ZNF708: variants seen among roughly 807,000 people sequenced by gnomAD.
The protein encoded by ZNF708 is ZNF15, ZNF15L1.
In ZNF708, 44 loss-of-function variants were observed where a neutral mutation model predicts 47.0. That is an observed-to-expected ratio of 0.94 (90% CI 0.74 to 1.20). The LOEUF is 1.20. Ranked by LOEUF, ZNF708 falls within the 50% of genes most tolerant of loss-of-function variation. The pLI, the probability that ZNF708 is intolerant of heterozygous loss-of-function variation, is 0.00. For missense variants in ZNF708, 557 were observed against 656.0 expected (o/e 0.85, Z 1.65); for synonymous variants, 184 against 218.5 (o/e 0.84, Z 1.39).
chr19:21,309,398 T>C, intron 2 of ZNF708, 57 bp from the exon 3 acceptor site: 5 of 1,444,926 alleles, frequency 3.5e-6, no homozygotes, highest in Non-Finnish European at 4.7e-6. Flanking sequence ...ATTACCAACC[T>C]AGTAATTTTC....
chr19:21,323,212 C>G (rs572001007), intron 1 of ZNF708, among the ~76,000 whole-genome samples: 4 of 152,344 alleles, frequency 2.6e-5, no homozygotes, highest in African/African-American at 9.6e-5. Flanking sequence ...CCCATTATGA[C>G]TTAGATGGTG....
intron 1 of ZNF708, among the ~76,000 whole-genome samples, chr19:21,311,272 T>C (rs1359396047): frequency 2.0e-5 from 3 of 152,186 alleles, no homozygotes; most frequent in Admixed American, 6.5e-5. Flanking sequence ...TAAAATATGA[T>C]GATTTATGCA....
At chr19:21,323,383 C>T (rs1245459583) in intron 1 of ZNF708, among the ~76,000 whole-genome samples, 1 of 152,166 alleles carries the variant, frequency 6.6e-6, no homozygotes, top group Non-Finnish European at 1.5e-5. Flanking sequence ...ACTTTACAAA[C>T]CCATTTTATG....
chr19:21,329,100 A>C, intron 1 of ZNF708, 110 bp downstream of exon 1: 2 of 1,490,256 alleles, frequency 1.3e-6, no homozygotes, highest in Non-Finnish European at 1.9e-6. Flanking sequence ...GAGAACTCGG[A>C]GCGCAGATTG....
At chr19:21,319,953 A>G (rs12982346) in intron 1 of ZNF708, among the ~76,000 whole-genome samples, 84,914 of 151,978 alleles carry the variant, frequency 0.56, 24,004 homozygotes, top group Middle Eastern at 0.69. Context: ...AGGCAGGCAG[A>G]TGACCTGAGG....
At chr19:21,308,946 G>C (rs570131744) in intron 3 of ZNF708, among the ~76,000 whole-genome samples, 19 of 151,786 alleles carry the variant, frequency 1.3e-4, no homozygotes, top group African/African-American at 4.6e-4. Flanking sequence ...AAATTATGCA[G>C]ATATTTCTGA....
rs560835011 is a variant in ZNF708, at chr19:21,320,408, G to A, written c.3+8802C>T. On this transcript the variant is annotated intron_variant, in intron 1 of 3. Transcript: ENST00000356929. ...TGAATAAAGAACATATGGTATGGTC[G>A]GACAAGGTGGCTAACACCTGTAATC... Among the ~76,000 whole-genome samples, 10 of 151,810 alleles carry A rather than the reference G, an allele frequency of 6.6e-5. No individual in the cohort carries two copies. In the South Asian group the frequency reaches 1.7e-3, roughly 25 times the overall value.
At chr19:21,309,371 C>G (rs749440058) in intron 2 of ZNF708, 30 bp from the exon 3 acceptor site, 24 of 1,532,182 alleles carry the variant, frequency 1.6e-5, no homozygotes, top group Non-Finnish European at 2.0e-5. Context: ...TAACGTGAAT[C>G]TTGCTCATAT....
Position 21,293,681 on chromosome 19 carries a change from A to C in ZNF708, c.1285T>G (p.Phe429Val). The change falls in exon 4 of 4, where the codon TTT (phenylalanine) becomes GTT (valine). Residue 429 changes from phenylalanine to valine, a missense_variant. Phe to Val is a conservative substitution (Grantham distance 50, BLOSUM62 -1). Transcript: ENST00000356929. ...TTAGTAAGGATTGAGAATATACTAA[A>C]GGCTTTACCACATTCTTCACATTTG... is the stretch of plus-strand genomic sequence containing the variant. ...PYKCEECGKA[F>V]SIFSILTKHK... The C allele has an allele frequency of 1.2e-6, 2 of 1,612,936 alleles. No individual in the cohort carries two copies. The highest frequency in any genetic ancestry group is 1.7e-6 in the Non-Finnish European group (2 of 1,179,674).
At chr19:21,305,633 A>T (rs1191615671) in intron 3 of ZNF708, among the ~76,000 whole-genome samples, 3 of 148,464 alleles carry the variant, frequency 2.0e-5, no homozygotes, top group Non-Finnish European at 3.0e-5. Flanking sequence ...TAATTTTCGT[A>T]TTTTTTTTTA....
rs187171186 is a variant in ZNF708, at chr19:21,294,988, A to G, written c.227-249T>C. ...CAAAGAGCCACATAGGAGAAAAAAG[A>G]AAAGTCTGTTACATTTACCCAACAC... is the stretch of plus-strand genomic sequence containing the variant. On this transcript the variant is annotated intron_variant, in intron 3 of 3. Coordinates refer to ENST00000356929, the MANE Select transcript of ZNF708 (RefSeq NM_021269.3). 3.3e-5 allele frequency among the ~76,000 whole-genome samples: 5 copies of G among 152,350 alleles called. No homozygotes were observed. In the East Asian group the frequency reaches 9.6e-4, roughly 29 times the overall value.
chr19:21,294,122 AT>A lies in ZNF708; in HGVS notation c.843del (p.Lys281AsnfsTer76). The A allele has an allele frequency of 6.2e-7, 1 of 1,613,034 alleles. No individual in the cohort carries two copies. On this transcript the variant is annotated frameshift_variant, in exon 4 of 4. Transcript: ENST00000356929. LOFTEE classifies it high-confidence loss of function. ...TTAAAAGCTTTGCCACATTCTTCAC[AT>A]TTGTAGGGTTTCTCTCCAGTATGAA... ...KIVHTGEKPY[K>X]CEECGKAFKQ... is the part of the protein sequence containing the mutation.
In ZNF708 at chr19:21,310,483, A is replaced by G. The variant is rs778855681; in HGVS notation, c.130+18T>C. 5.4e-6 allele frequency: 7 copies of G among 1,307,074 alleles called. No individual in the cohort carries two copies. Among genetic ancestry groups the G allele is most frequent in the Non-Finnish European group, 4.9e-6 (5 of 1,010,570 alleles). 81.0% of individuals were successfully genotyped at this position (1,307,074 alleles called of 1,614,324 possible). A position where few individuals can be genotyped will look rare whatever the true frequency, so the allele number is the denominator to read the frequency against. Reference sequence around the variant, plus strand: ...ATAATAAATAATAAAAATTAAAAAAAAAAAAACTTATCCTCACCCAGGAAT... The same window carrying G: ...ATAATAAATAATAAAAATTAAAAAAGAAAAAACTTATCCTCACCCAGGAAT... On this transcript the variant is annotated intron_variant, in intron 2 of 3. Coordinates refer to ENST00000356929, the MANE Select transcript of ZNF708 (RefSeq NM_021269.3).
Position 21,323,497 on chromosome 19 carries a change from T to C in ZNF708, c.3+5713A>G, listed in dbSNP as rs74870957. 8.7e-3 allele frequency among the ~76,000 whole-genome samples: 1,321 copies of C among 152,326 alleles called. 9 individuals are homozygous for C. Among genetic ancestry groups the C allele is most frequent in the South Asian group, 0.016 (78 of 4,828 alleles). On this transcript the variant is annotated intron_variant, in intron 1 of 3. Transcript: ENST00000356929. ...TTCCCCTTCCACCTCCTTTCTAATC[T>C]TGTTTGTTCCTCCTTAGGAAAGGAA...
At chr19:21,310,087 C>CA (rs939675676) in intron 2 of ZNF708, among the ~76,000 whole-genome samples, 5 of 151,618 alleles carry the variant, frequency 3.3e-5, no homozygotes, top group African/African-American at 9.7e-5. Context: ...CATAAATTGC[C>CA]AAAAAAACAC....
At chr19:21,325,259 A>T (rs1221087524) in intron 1 of ZNF708, among the ~76,000 whole-genome samples, 2 of 152,198 alleles carry the variant, frequency 1.3e-5, no homozygotes, top group Non-Finnish European at 2.9e-5. Context: ...CGTAGCCAAA[A>T]CAAGGCTAAG....
chr19:21,293,653 T>C lies in ZNF708; in HGVS notation c.1313A>G (p.His438Arg), dbSNP rs147864512. The change falls in exon 4 of 4, where the codon CAT becomes CGT. Residue 438 changes from histidine to arginine, a missense_variant. Transcript: ENST00000356929. ...AFSIFSILTK[H>R]KVIHTEDKPY... ...TTTGTCTTCAGTATGAATTACTTTATGTTTAGTAAGGATTGAGAATATACT... is the reference window on the plus strand; with the variant it reads ...TTTGTCTTCAGTATGAATTACTTTACGTTTAGTAAGGATTGAGAATATACT... 2.4e-3 allele frequency: 3,815 copies of C among 1,612,450 alleles called. 4 individuals carry two copies. The highest frequency in any genetic ancestry group is 2.8e-3 in the South Asian group (258 of 90,958).
chr19:21,316,126 C>CTT (rs1243985592), intron 1 of ZNF708, among the ~76,000 whole-genome samples: 1 of 70,010 alleles, frequency 1.4e-5, no homozygotes, highest in Admixed American at 1.7e-4. Context: ...CTTTTCTTTT[C>CTT]TTTTTTCTTT....
At chr19:21,300,773 G>A (rs1400144598) in intron 3 of ZNF708, among the ~76,000 whole-genome samples, 1 of 151,790 alleles carries the variant, frequency 6.6e-6, no homozygotes, top group Non-Finnish European at 1.5e-5. Context: ...CTATTCTCCT[G>A]CCTCAGCCTC....
Sources: allele counts gnomAD v4.1 joint callset (sites outside exome capture counted in the v4.1 genomes callset), GRCh38; gene constraint gnomAD v4.1.1; transcripts MANE v1.5; gene names NCBI Gene and HGNC (gene_info 2026-07-23, HGNC 2026-07-21).